The following IRS1 variants were observed in gnomAD, a reference collection of about 807,000 sequenced individuals.
The protein encoded by IRS1 is insulin receptor substrate 1.
A neutral mutation model predicts 65.6 loss-of-function variants in IRS1; 34 were observed. That is an observed-to-expected ratio of 0.52 (90% CI 0.39 to 0.69). The LOEUF (loss-of-function observed/expected upper bound fraction) is 0.69. Ranked by LOEUF, IRS1 falls within the 30% of genes least tolerant of loss-of-function variation. IRS1 has a pLI of 0.00. For synonymous variants in IRS1, 699 were observed against 683.5 expected (o/e 1.02, Z -0.35); for missense variants, 1,641 against 1,720.2 (o/e 0.95, Z 0.81).
At chr2:226,749,144 T>G (rs1304041361) in intron 1 of IRS1, among the ~76,000 whole-genome samples, 1 of 152,214 alleles carries the variant, frequency 6.6e-6, no homozygotes, top group East Asian at 1.9e-4. Flanking sequence ...TGGTGAAATC[T>G]GCTTATTCTC....
chr2:226,770,652 A>G (rs1298929252), intron 1 of IRS1, among the ~76,000 whole-genome samples: 1 of 152,258 alleles, frequency 6.6e-6, no homozygotes, highest in Non-Finnish European at 1.5e-5. Flanking sequence ...TTGTATATAA[A>G]GATACAAAAC....
intron 1 of IRS1, among the ~76,000 whole-genome samples, chr2:226,755,836 T>C (rs1938786116): frequency 6.6e-6 from 1 of 152,254 alleles, no homozygotes; most frequent in Admixed American, 6.5e-5. Flanking sequence ...CCTTCAAGCA[T>C]TAAAATGCTA....
At chr2:226,740,400 A>T (rs1172703034) in intron 1 of IRS1, among the ~76,000 whole-genome samples, 1 of 152,214 alleles carries the variant, frequency 6.6e-6, no homozygotes, top group Non-Finnish European at 1.5e-5. Flanking sequence ...CTTGACACCT[A>T]TGGATTATTG....
chr2:226,782,986 T>C (rs1420936555), intron 1 of IRS1, among the ~76,000 whole-genome samples: 1 of 152,178 alleles, frequency 6.6e-6, no homozygotes, highest in Admixed American at 6.5e-5. Context: ...GGCAACACAG[T>C]GAGACTGTGT....
chr2:226,749,622 C>T (rs1391131255), intron 1 of IRS1, among the ~76,000 whole-genome samples: 2 of 152,216 alleles, frequency 1.3e-5, no homozygotes, highest in Non-Finnish European at 2.9e-5. Flanking sequence ...CTCCGTCTGC[C>T]TTCAACCATT....
chr2:226,796,426 A>G lies in IRS1; in HGVS notation c.2313T>C (p.Phe771=). 1 of 1,613,624 alleles carries G rather than the reference A, an allele frequency of 6.2e-7. No homozygotes were observed. Among genetic ancestry groups the G allele is most frequent in the African/African-American group, 1.3e-5 (1 of 75,056 alleles). Residue 771 remains phenylalanine (F), a synonymous_variant, in exon 1 of 2, where the codon TTT becomes TTC. Transcript: ENST00000305123. ...VLSYYSLPRS[F]KHTQRPGEPE... ...GCTCCCCGGGGCGCTGGGTGTGCTTAAAGGATCTTGGCAATGAGTAGTAGG... is the reference window on the plus strand; with the variant it reads ...GCTCCCCGGGGCGCTGGGTGTGCTTGAAGGATCTTGGCAATGAGTAGTAGG...
Position 226,731,935 on chromosome 2 carries a change from T to C in IRS1, c.*4337A>G, listed in dbSNP as rs922396266. 6.6e-6 allele frequency: 1 copy of C among 152,170 alleles called. No homozygotes were observed. The highest frequency in any genetic ancestry group is 2.4e-5 in the African/African-American group (1 of 41,446). The allele number at this position is 152,170 out of a possible 1,614,324, so 9.4% of individuals were successfully genotyped here. On this transcript the variant is annotated 3_prime_UTR_variant, in exon 2 of 2. Coordinates refer to ENST00000305123, the MANE Select transcript of IRS1 (RefSeq NM_005544.3). ...TCCTATGGCATACTCGTTAACAGCA[T>C]AAGCAAAGAGAGATTTAAATGCCAA...
chr2:226,741,998 T>C (rs1241291530), intron 1 of IRS1, among the ~76,000 whole-genome samples: 1 of 152,096 alleles, frequency 6.6e-6, no homozygotes, highest in Non-Finnish European at 1.5e-5. Flanking sequence ...TTAAAGGAAG[T>C]TCCCAGCTTA....
At chr2:226,757,443 A>G (rs1428324731) in intron 1 of IRS1, among the ~76,000 whole-genome samples, 1 of 151,622 alleles carries the variant, frequency 6.6e-6, no homozygotes, top group African/African-American at 2.4e-5. Context: ...GGTAAAAACC[A>G]ATCTCTACTA....
intron 1 of IRS1, among the ~76,000 whole-genome samples, chr2:226,761,455 A>C (rs994442610): frequency 2.0e-5 from 3 of 152,008 alleles, no homozygotes; most frequent in Non-Finnish European, 4.4e-5. Flanking sequence ...AACTTCCAAG[A>C]GCTCTATCCC....
intron 1 of IRS1, among the ~76,000 whole-genome samples, chr2:226,758,472 C>T (rs1160420072): frequency 2.0e-5 from 3 of 152,012 alleles, no homozygotes; most frequent in Non-Finnish European, 4.4e-5. Context: ...AATACTTTCC[C>T]AATATACAGT....
chr2:226,766,070 T>C (rs935371086), intron 1 of IRS1, among the ~76,000 whole-genome samples: 1 of 137,286 alleles, frequency 7.3e-6, no homozygotes, highest in African/African-American at 2.7e-5. Flanking sequence ...GAATCATTTC[T>C]GTAGAAATAT....
intron 1 of IRS1, among the ~76,000 whole-genome samples, chr2:226,769,184 T>C (rs755497461): frequency 6.6e-6 from 1 of 152,210 alleles, no homozygotes; most frequent in Non-Finnish European, 1.5e-5. Flanking sequence ...TCTGTGACCA[T>C]ATATTCTTAA....
rs1938244165 is a variant in IRS1 at position 226,732,572 on chromosome 2, A to G, written c.*3700T>C. 6.7e-6 allele frequency: 1 copy of G among 149,718 alleles called. No individual in the cohort carries two copies. The highest frequency in any genetic ancestry group is 2.1e-4 in the South Asian group (1 of 4,790). The allele number at this position is 149,718 out of a possible 1,614,324, so 9.3% of individuals were successfully genotyped here. On this transcript the variant is annotated 3_prime_UTR_variant, in exon 2 of 2. Transcript: ENST00000305123. The stretch of plus-strand genomic sequence containing the variant: ...TATATATATCTATATATGTGTGTAT[A>G]TATCTATATATTTGTATATATTCAT...
intron 1 of IRS1, among the ~76,000 whole-genome samples, chr2:226,750,845 G>A (rs559577294): frequency 3.9e-4 from 60 of 152,210 alleles, no homozygotes; most frequent in Middle Eastern, 3.4e-3. Flanking sequence ...GTTAAAGTGC[G>A]GATTCTGCTT....
In IRS1 at chr2:226,732,099, T is replaced by G. The variant is rs1938231903; in HGVS notation, c.*4173A>C. On this transcript the variant is annotated 3_prime_UTR_variant, in exon 2 of 2. Coordinates refer to ENST00000305123, the MANE Select transcript of IRS1 (RefSeq NM_005544.3). The stretch of plus-strand genomic sequence containing the variant: ...GTCATGTTAGCTAATTATAAGCTCT[T>G]TATTCATAATTAATTCCTCGAGTAG... 1 of 152,156 alleles carries G rather than the reference T, an allele frequency of 6.6e-6. No homozygotes were observed. Among genetic ancestry groups the G allele is most frequent in the African/African-American group, 2.4e-5 (1 of 41,430 alleles). The allele number at this position is 152,156 out of a possible 1,614,324, so 9.4% of individuals were successfully genotyped here.
intron 1 of IRS1, among the ~76,000 whole-genome samples, chr2:226,791,677 G>C (rs1007839418): frequency 1.2e-4 from 18 of 151,972 alleles, no homozygotes; most frequent in African/African-American, 4.3e-4. Flanking sequence ...GGAGAGCCCC[G>C]CCCCGCGCCC....
intron 1 of IRS1, among the ~76,000 whole-genome samples, chr2:226,765,125 A>G (rs1267849844): frequency 1.3e-5 from 2 of 152,104 alleles, no homozygotes; most frequent in East Asian, 1.9e-4. Flanking sequence ...TTCATTTGAG[A>G]TGGGGTCTTG....
At chr2:226,769,185 A>G (rs901068210) in intron 1 of IRS1, among the ~76,000 whole-genome samples, 2 of 152,208 alleles carry the variant, frequency 1.3e-5, no homozygotes, top group Non-Finnish European at 2.9e-5. Flanking sequence ...CTGTGACCAT[A>G]TATTCTTAAA....
Sources: allele counts gnomAD v4.1 joint callset (sites outside exome capture counted in the v4.1 genomes callset), GRCh38; gene constraint gnomAD v4.1.1; transcripts MANE v1.5; gene names NCBI Gene and HGNC (gene_info 2026-07-23, HGNC 2026-07-21).